The following EEA1 variants were observed in gnomAD, a reference collection of about 807,000 sequenced individuals.
EEA1 encodes early endosome antigen 1.
EEA1 carries 111 observed loss-of-function variants against 209.2 expected under a neutral mutation model. The ratio of observed to expected loss-of-function variants is 0.53; its 90% confidence interval spans 0.45 to 0.62. The LOEUF (loss-of-function observed/expected upper bound fraction) is 0.62. Ranked by LOEUF, EEA1 falls within the 20% of genes least tolerant of loss-of-function variation. The probability of loss-of-function intolerance (pLI) is 0.00; values close to 1 mark genes in which losing one functional copy is unlikely to be tolerated. For synonymous variants in EEA1, 536 were observed against 540.6 expected, an observed-to-expected ratio of 0.99 and a Z score of 0.12; for missense variants, 1,343 against 1,530.8, an observed-to-expected ratio of 0.88 and a Z score of 2.05.
At chr12:92,880,063 T>C (rs1306888267) in intron 2 of EEA1, among the ~76,000 whole-genome samples, 1 of 152,248 alleles carries the variant, frequency 6.6e-6, no homozygotes, top group Admixed American at 6.5e-5. Context: ...CCAAATGTAA[T>C]CTACATGTAG....
At chr12:92,819,540 A>G in intron 13 of EEA1, 29 bp from the exon 14 acceptor site, 1 of 1,474,796 alleles carries the variant, frequency 6.8e-7, no homozygotes, top group Non-Finnish European at 9.2e-7. Flanking sequence ...TACTACTTTA[A>G]GAATAGAGAA....
chr12:92,811,369 A>C lies in EEA1; in HGVS notation c.2109T>G (p.His703Gln). The stretch of plus-strand genomic sequence containing the variant: ...TAAGATGACTTTCCAGCTGACTGCA[A>C]TGTTCTTGCTTGTCTTGTAACTTTG... The part of the protein sequence containing the change: ...VTAKLQDKQE[H>Q]CSQLESHLKE... The change falls in exon 17 of 29, where the codon CAT (histidine) becomes CAG (glutamine). Residue 703 changes from histidine to glutamine, a missense_variant. By Grantham distance (24) the His-to-Gln change is conservative. Coordinates refer to ENST00000322349, the MANE Select transcript of EEA1 (RefSeq NM_003566.4). 1 of 1,606,874 alleles carries C rather than the reference A, an allele frequency of 6.2e-7. No individual in the cohort carries two copies. The highest frequency in any genetic ancestry group is 8.5e-7 in the Non-Finnish European group (1 of 1,177,030).
intron 1 of EEA1, among the ~76,000 whole-genome samples, chr12:92,919,840 A>C (rs61935338): frequency 3.8e-4 from 27 of 71,460 alleles, no homozygotes; most frequent in African/African-American, 1.5e-3. Flanking sequence ...TTGTATATCT[A>C]GAAAACCCCA....
At position 92,827,905 on chromosome 12, in the gene EEA1, A is replaced by G. The variant is rs1876393158; in HGVS notation, c.1404+7T>C. On this transcript the variant is annotated splice_region_variant and intron_variant, in intron 12 of 28. Coordinates refer to ENST00000322349, the MANE Select transcript of EEA1 (RefSeq NM_003566.4). Reference sequence around the variant, plus strand: ...AGCCTATCAATAAATTGAAAATGCTAGCTTACCTGCTCTTCTAACCGAGAA... The same window carrying G: ...AGCCTATCAATAAATTGAAAATGCTGGCTTACCTGCTCTTCTAACCGAGAA... The G allele has an allele frequency of 1.3e-6, 2 of 1,548,412 alleles. No homozygotes were observed. Among genetic ancestry groups the G allele is most frequent in the African/African-American group, 1.4e-5 (1 of 71,020 alleles).
At chr12:92,800,518 C>T (rs373005035) in intron 20 of EEA1, among the ~76,000 whole-genome samples, 7 of 152,252 alleles carry the variant, frequency 4.6e-5, no homozygotes, top group South Asian at 4.1e-4. Flanking sequence ...TATATATAGA[C>T]GTCTCAGCTT....
intron 9 of EEA1, among the ~76,000 whole-genome samples, chr12:92,849,361 G>A (rs1877516040): frequency 6.6e-6 from 1 of 152,062 alleles, no homozygotes; most frequent in African/African-American, 2.4e-5. Context: ...CCTGGTTTAG[G>A]TATTTTGACA....
At chr12:92,885,974 C>T (rs914477754) in intron 2 of EEA1, among the ~76,000 whole-genome samples, 6 of 151,718 alleles carry the variant, frequency 4.0e-5, no homozygotes, top group Non-Finnish European at 8.8e-5. Flanking sequence ...AAAAAATTCA[C>T]AAAATACACA....
chr12:92,824,648 T>A (rs1396655483), intron 13 of EEA1, among the ~76,000 whole-genome samples: 1 of 152,160 alleles, frequency 6.6e-6, no homozygotes, highest in Non-Finnish European at 1.5e-5. Flanking sequence ...CCTCCTTCCT[T>A]CAGGTCTTTC....
intron 2 of EEA1, 55 bp downstream of exon 2, chr12:92,891,574 A>T: frequency 7.6e-7 from 1 of 1,323,742 alleles, no homozygotes. Flanking sequence ...TACACCAAAT[A>T]TTTGCTCATT....
chr12:92,906,529 G>C (rs1366763460), intron 1 of EEA1, among the ~76,000 whole-genome samples: 1 of 152,126 alleles, frequency 6.6e-6, no homozygotes, highest in African/African-American at 2.4e-5. Flanking sequence ...TGTAACTTTA[G>C]GGGCCGGGTG....
chr12:92,779,253 T>C lies in EEA1; in HGVS notation c.3516A>G (p.Lys1172=). 1.2e-6 allele frequency: 2 copies of C among 1,609,356 alleles called. No individual in the cohort carries two copies. The highest frequency in any genetic ancestry group is 1.7e-6 in the Non-Finnish European group (2 of 1,178,804). The change falls in exon 25 of 29, where the codon AAA becomes AAG. Residue 1172 remains lysine (K), a synonymous_variant. Transcript: ENST00000322349. ...AGTCCGCTTTTCCTTGAAGTTCTAATTTCTGCTGAATTAGAAGCTGTTTAG... is the reference window on the plus strand; with the variant it reads ...AGTCCGCTTTTCCTTGAAGTTCTAACTTCTGCTGAATTAGAAGCTGTTTAG... ...KDAKQLLIQQ[K]LELQGKADSL...
intron 11 of EEA1, among the ~76,000 whole-genome samples, chr12:92,831,788 T>A (rs993570025): frequency 3.3e-5 from 5 of 151,798 alleles, no homozygotes; most frequent in East Asian, 3.9e-4. Flanking sequence ...CATAATTTTT[T>A]AAAAATATCC....
intron 1 of EEA1, among the ~76,000 whole-genome samples, chr12:92,922,580 G>A (rs1203087929): frequency 6.6e-6 from 1 of 152,188 alleles, no homozygotes; most frequent in African/African-American, 2.4e-5. Flanking sequence ...GGGCCAACAA[G>A]TAGTCAATAT....
intron 2 of EEA1, chr12:92,884,377 C>A: frequency 8.1e-7 from 1 of 1,236,692 alleles, no homozygotes; most frequent in Non-Finnish European, 1.2e-6. Flanking sequence ...GAAACTTTGG[C>A]GGTGGTCGTG....
chr12:92,816,765 A>C (rs892252796), intron 14 of EEA1, among the ~76,000 whole-genome samples: 5 of 152,212 alleles, frequency 3.3e-5, no homozygotes, highest in Non-Finnish European at 7.3e-5. Context: ...GCCCTTCTGC[A>C]GTCATTCCTC....
At chr12:92,781,480 TA>T (rs1375284192) in intron 23 of EEA1, among the ~76,000 whole-genome samples, 2 of 152,214 alleles carry the variant, frequency 1.3e-5, no homozygotes, top group African/African-American at 2.4e-5. Flanking sequence ...AAGTGATTTT[TA>T]AAATGTACTG....
chr12:92,926,388 GAAAT>G (rs1054732536), intron 1 of EEA1, among the ~76,000 whole-genome samples: 4 of 152,126 alleles, frequency 2.6e-5, no homozygotes, highest in African/African-American at 9.7e-5. Flanking sequence ...TCTGTGCTGA[GAAAT>G]AAGATTAGCA....
intron 1 of EEA1, among the ~76,000 whole-genome samples, chr12:92,898,945 C>A: frequency 7.5e-6 from 1 of 133,744 alleles, no homozygotes; most frequent in Admixed American, 7.3e-5. Flanking sequence ...AGGTATCTTA[C>A]TCATGAGTGA....
intron 2 of EEA1, among the ~76,000 whole-genome samples, chr12:92,889,022 C>T (rs549090202): frequency 6.6e-6 from 1 of 151,750 alleles, no homozygotes; most frequent in Non-Finnish European, 1.5e-5. Flanking sequence ...TGTGGTGGCA[C>T]GTGCCTGTAA....
Sources: gnomAD v4.1 joint callset for allele counts (sites outside exome capture counted in the v4.1 genomes callset) on GRCh38, gnomAD v4.1.1 for gene constraint, MANE v1.5 for transcripts, NCBI Gene and HGNC (gene_info 2026-07-23, HGNC 2026-07-21) for gene names.